Variants in CDC14A observed in about 807,000 individuals in gnomAD.
CDC14A encodes dual specificity protein phosphatase CDC14A.
A neutral mutation model predicts 74.4 loss-of-function variants in CDC14A; 53 were observed. The observed-to-expected ratio is 0.71, with a 90% confidence interval of 0.57 to 0.89. CDC14A has a LOEUF of 0.89. Ranked by LOEUF, CDC14A falls within the 40% of genes least tolerant of loss-of-function variation. The pLI, the probability that CDC14A is intolerant of heterozygous loss-of-function variation, is 0.00. For synonymous variants in CDC14A, 247 were observed against 258.4 expected (o/e 0.96, Z 0.43); for missense variants, 646 against 713.7 (o/e 0.91, Z 1.08).
chr1:100,375,259 G>T (rs114743271), intron 2 of CDC14A, among the ~76,000 whole-genome samples: 2,320 of 152,328 alleles, frequency 0.015, 62 homozygotes, highest in African/African-American at 0.053. Flanking sequence ...GAATGGACAT[G>T]TTTGTTGGAA....
intron 11 of CDC14A, among the ~76,000 whole-genome samples, chr1:100,493,648 G>T (rs1216154657): frequency 2.0e-5 from 3 of 152,204 alleles, no homozygotes; most frequent in African/African-American, 7.2e-5. Flanking sequence ...TGCACAGGAC[G>T]ACCTTTCCTG....
intron 5 of CDC14A, among the ~76,000 whole-genome samples, chr1:100,432,375 A>G (rs1663799612): frequency 6.6e-6 from 1 of 152,244 alleles, no homozygotes; most frequent in African/African-American, 2.4e-5. Context: ...GTATACGGAC[A>G]ATATAGTCTG....
chr1:100,414,701 G>A (rs2101052040), intron 4 of CDC14A, among the ~76,000 whole-genome samples: 2 of 152,222 alleles, frequency 1.3e-5, no homozygotes, highest in East Asian at 3.9e-4. Context: ...TCTGGAGTGA[G>A]TCTGTTTTTG....
intron 6 of CDC14A, among the ~76,000 whole-genome samples, chr1:100,440,873 A>C (rs1039892858): frequency 8.5e-5 from 13 of 152,216 alleles, no homozygotes; most frequent in African/African-American, 3.1e-4. Flanking sequence ...TTTAAACCCT[A>C]TCAAACTTTA....
rs1667377673 is a variant in CDC14A, at chr1:100,462,185, TTAA to T, written c.608-458_608-456del. ...ATTGTGACTTGTACATAGTAGGTGC[TTAA>T]TAATAATTGCTTCTGGGGAGCATTG... On this transcript the variant is annotated intron_variant, in intron 8 of 15. Coordinates refer to ENST00000336454, the MANE Select transcript of CDC14A (RefSeq NM_003672.4). Among the ~76,000 whole-genome samples, 7 of 152,348 alleles carry T rather than the reference TTAA, an allele frequency of 4.6e-5. 1 individual carries two copies. In the South Asian group the frequency reaches 1.2e-3, roughly 27 times the overall value.
chr1:100,519,245 A>G lies in CDC14A; in HGVS notation c.*965A>G, dbSNP rs1650494190. 6.6e-6 allele frequency: 1 copy of G among 152,082 alleles called. No individual in the cohort carries two copies. Among genetic ancestry groups the G allele is most frequent in the Non-Finnish European group, 1.5e-5 (1 of 67,970 alleles). 9.4% of individuals were successfully genotyped at this position (152,082 alleles called of 1,614,324 possible). A position where few individuals can be genotyped will look rare whatever the true frequency, so the allele number is the denominator to read the frequency against. On this transcript the variant is annotated 3_prime_UTR_variant, in exon 16 of 16. Coordinates refer to ENST00000336454, the MANE Select transcript of CDC14A (RefSeq NM_003672.4). ...AGTTTTAAATCAATGGAGAGAAAAA[A>G]CTGAAAAAGATGCTGCTAAGTAGTT...
At chr1:100,396,629 C>T (rs1232934460) in intron 4 of CDC14A, among the ~76,000 whole-genome samples, 2 of 152,198 alleles carry the variant, frequency 1.3e-5, no homozygotes, top group Non-Finnish European at 2.9e-5. Flanking sequence ...AAAATTACAT[C>T]ACTACCTAGC....
At chr1:100,494,275 T>C (rs1393896026) in intron 11 of CDC14A, among the ~76,000 whole-genome samples, 1 of 152,204 alleles carries the variant, frequency 6.6e-6, no homozygotes, top group Non-Finnish European at 1.5e-5. Context: ...TAAAGAGTTA[T>C]TTCAGAAGGA....
At chr1:100,475,454 C>G (rs984637792) in intron 10 of CDC14A, among the ~76,000 whole-genome samples, 23 of 152,138 alleles carry the variant, frequency 1.5e-4, no homozygotes, top group African/African-American at 5.3e-4. Flanking sequence ...AAATGTTAAC[C>G]TGGACATTTT....
Position 100,503,230 on chromosome 1 carries a change from C to T in CDC14A, c.1755+3968C>T, listed in dbSNP as rs565977540. 9.2e-5 allele frequency among the ~76,000 whole-genome samples: 14 copies of T among 152,138 alleles called. No individual in the cohort carries two copies. The South Asian group carries it at 2.3e-3, about 25-fold the overall frequency. On this transcript the variant is annotated intron_variant, in intron 15 of 15. Transcript: ENST00000336454. ...TGTCTAATTATACTGGGTTTATTGTCGAAATAAGATCATACTTCTAGTTCT... is the reference window on the plus strand; with the variant it reads ...TGTCTAATTATACTGGGTTTATTGTTGAAATAAGATCATACTTCTAGTTCT...
intron 11 of CDC14A, 122 bp downstream of exon 11, chr1:100,484,573 A>C: frequency 2.2e-6 from 3 of 1,334,694 alleles, no homozygotes; most frequent in Non-Finnish European, 2.9e-6. Flanking sequence ...AGTTTTTAGA[A>C]GTAGAGCCAT....
intron 4 of CDC14A, among the ~76,000 whole-genome samples, chr1:100,420,063 C>CACACACATATATAT: frequency 1.1e-4 from 7 of 61,596 alleles, no homozygotes; most frequent in East Asian, 5.4e-4. Flanking sequence ...CACACACACA[C>CACACACATATATAT]ATATATATAT....
intron 4 of CDC14A, among the ~76,000 whole-genome samples, chr1:100,395,772 C>G (rs1658380151): frequency 6.6e-6 from 1 of 152,152 alleles, no homozygotes; most frequent in Non-Finnish European, 1.5e-5. Flanking sequence ...TCTGATCTGA[C>G]CCTCTCTACC....
chr1:100,349,756 C>T (rs988794158), upstream of CDC14A, among the ~76,000 whole-genome samples: 3 of 152,026 alleles, frequency 2.0e-5, no homozygotes, highest in Non-Finnish European at 4.4e-5. Flanking sequence ...CTCTGCCTCC[C>T]GGTTCAAGCC....
chr1:100,450,750 A>G (rs992732492), intron 7 of CDC14A, among the ~76,000 whole-genome samples: 1 of 152,162 alleles, frequency 6.6e-6, no homozygotes, highest in Non-Finnish European at 1.5e-5. Context: ...ACCCTGACCT[A>G]AACAATTCCC....
chr1:100,459,120 CACACACAGAG>C lies in CDC14A; in HGVS notation c.608-3529_608-3520del, dbSNP rs1418778120. Among the ~76,000 whole-genome samples, 1,255 of 148,658 alleles carry C rather than the reference CACACACAGAG, an allele frequency of 8.4e-3. 10 individuals are homozygous for C. Among genetic ancestry groups the C allele is most frequent in the Non-Finnish European group, 0.012 (811 of 67,660 alleles). Reference sequence around the variant, plus strand: ...ACACACGCACACACACACACACACACACACACAGAGAGAGAGAGAGAGAGAAAGATAGCTT... The same window carrying C: ...ACACACGCACACACACACACACACACAGAGAGAGAGAGAGAAAGATAGCTT... On this transcript the variant is annotated intron_variant, in intron 8 of 15. Coordinates refer to ENST00000336454, the MANE Select transcript of CDC14A (RefSeq NM_003672.4).
chr1:100,482,395 T>G (rs991400166), intron 10 of CDC14A, among the ~76,000 whole-genome samples: 1 of 152,206 alleles, frequency 6.6e-6, no homozygotes, highest in African/African-American at 2.4e-5. Context: ...CTGTTTTCTT[T>G]GATATCACTA....
intron 3 of CDC14A, among the ~76,000 whole-genome samples, chr1:100,382,485 G>A (rs1032899071): frequency 5.4e-5 from 8 of 148,114 alleles, no homozygotes; most frequent in African/African-American, 1.5e-4. Context: ...CTAGCTTCCC[G>A]CCTGAGCCTC....
intron 5 of CDC14A, among the ~76,000 whole-genome samples, chr1:100,436,353 A>G (rs946596741): frequency 6.6e-6 from 1 of 152,178 alleles, no homozygotes; most frequent in Non-Finnish European, 1.5e-5. Flanking sequence ...CCTCACTTCC[A>G]GGAGAACACA....
Sources: allele counts gnomAD v4.1 joint callset (sites outside exome capture counted in the v4.1 genomes callset), GRCh38; gene constraint gnomAD v4.1.1; transcripts MANE v1.5; gene names NCBI Gene and HGNC (gene_info 2026-07-23, HGNC 2026-07-21).